APOM: variants seen among roughly 807,000 people sequenced by gnomAD.
APOM encodes the protein NG20-like protein.
APOM carries 24 observed loss-of-function variants against 23.5 expected under a neutral mutation model. The observed-to-expected ratio is 1.02, with a 90% confidence interval of 0.74 to 1.44. The LOEUF is 1.44. Among genes scored for constraint, APOM ranks in the 40% most tolerant of loss-of-function variants. The pLI, the probability that APOM is intolerant of heterozygous loss-of-function variation, is 0.00. For synonymous variants in APOM, 82 were observed against 84.1 expected (o/e 0.97, Z 0.14); for missense variants, 200 against 233.2 (o/e 0.86, Z 0.93).
chr6:31,657,886 T>G (rs1248851733), intron 5 of APOM, 163 bp downstream of exon 5: 2 of 955,678 alleles, frequency 2.1e-6, no homozygotes, highest in Non-Finnish European at 3.3e-6. Context: ...AAGAGAGGTT[T>G]CTGAGTTTGC....
Position 31,656,639 on chromosome 6 carries a change from G to T in APOM, c.269+13G>T, listed in dbSNP as rs1349255508. ...CTACCATCCGCATGTGAGTGGTAAG[G>T]AGGCAGAAGCATCACTGGGTTCAGT... On this transcript the variant is annotated intron_variant, in intron 2 of 5. Coordinates refer to ENST00000375916, the MANE Select transcript of APOM (RefSeq NM_019101.3). 6.2e-7 allele frequency: 1 copy of T among 1,612,214 alleles called. No homozygotes were observed. The highest frequency in any genetic ancestry group is 8.5e-7 in the Non-Finnish European group (1 of 1,178,992).
Position 31,658,122 on chromosome 6 carries a change from C to T in APOM, c.*33C>T, listed in dbSNP as rs370445372. The T allele has an allele frequency of 2.5e-6, 4 of 1,611,836 alleles. No individual in the cohort carries two copies. In the African/African-American group the frequency reaches 5.3e-5, roughly 22 times the overall value. On this transcript the variant is annotated 3_prime_UTR_variant, in exon 6 of 6. Coordinates refer to ENST00000375916, the MANE Select transcript of APOM (RefSeq NM_019101.3). ...CTTCATCTAAGTCCCCAGATGGGTA[C>T]AATGGGAGCTGAGTTGTTGGAGGGA...
In APOM at chr6:31,655,937, C is replaced by T; in HGVS notation, c.-30C>T. 4 of 1,483,886 alleles carry T rather than the reference C, an allele frequency of 2.7e-6. No individual in the cohort carries two copies. Among genetic ancestry groups the T allele is most frequent in the Non-Finnish European group, 3.7e-6 (4 of 1,079,868 alleles). 91.9% of individuals were successfully genotyped at this position (1,483,886 alleles called of 1,614,324 possible). On this transcript the variant is annotated 5_prime_UTR_variant, in exon 1 of 6. Coordinates refer to ENST00000375916, the MANE Select transcript of APOM (RefSeq NM_019101.3). ...AGTAGGGGAGAGAGCAGTTAAGGCA[C>T]ACAGAGCACCAGCTCCCTCCTGCCT...
At position 31,657,370 on chromosome 6, in the gene APOM, G is replaced by A. The variant is rs1237931754; in HGVS notation, c.344-10G>A. Reference sequence around the variant, plus strand: ...CTCTGTTCTCATACTTCTCCCACCTGCCTTGACAGGCCGCCCTGACATGAA... The same window carrying A: ...CTCTGTTCTCATACTTCTCCCACCTACCTTGACAGGCCGCCCTGACATGAA... On this transcript the variant is annotated splice_polypyrimidine_tract_variant and intron_variant, in intron 3 of 5. Coordinates refer to ENST00000375916, the MANE Select transcript of APOM (RefSeq NM_019101.3). 1 of 1,613,008 alleles carries A rather than the reference G, an allele frequency of 6.2e-7. No homozygotes were observed. The highest frequency in any genetic ancestry group is 8.5e-7 in the Non-Finnish European group (1 of 1,180,016).
intron 1 of APOM, 29 bp downstream of exon 1, chr6:31,656,109 G>A: frequency 1.3e-6 from 2 of 1,528,682 alleles, no homozygotes; most frequent in South Asian, 2.4e-5. Flanking sequence ...GGAAGCCTAT[G>A]GTGGAGGCTC....
At chr6:31,657,795 C>A (rs764760548) in intron 5 of APOM, 72 bp downstream of exon 5, 3 of 1,359,026 alleles carry the variant, frequency 2.2e-6, no homozygotes, top group Non-Finnish European at 2.1e-6. Flanking sequence ...GTGAAAGAGG[C>A]TCGTGTGATG....
intron 2 of APOM, 131 bp downstream of exon 2, chr6:31,656,757 T>G: frequency 8.6e-7 from 1 of 1,159,710 alleles, no homozygotes; most frequent in Non-Finnish European, 1.2e-6. Context: ...GTGGCTGTAT[T>G]AATTGCCCTC....
chr6:31,656,663 G>C (rs1248744419), intron 2 of APOM, 37 bp downstream of exon 2: 1 of 1,601,228 alleles, frequency 6.2e-7, no homozygotes. Flanking sequence ...ACTGGGTTCA[G>C]TCTCTGCCCA....
rs1232939217 is a variant in APOM, at chr6:31,658,082, A to G, written c.560A>G (p.Asn187Ser). 2.5e-6 allele frequency: 4 copies of G among 1,614,056 alleles called. No homozygotes were observed. Among genetic ancestry groups the G allele is most frequent in the Non-Finnish European group, 3.4e-6 (4 of 1,180,002 alleles). ...PRNQEACELSNN is the reference protein window; with the variant it reads ...PRNQEACELSSN Reference sequence around the variant, plus strand: ...ATCACAGAGGCCTGTGAGCTGTCCAATAACTGACCTGTAACTTCATCTAAG... The same window carrying G: ...ATCACAGAGGCCTGTGAGCTGTCCAGTAACTGACCTGTAACTTCATCTAAG... The change falls in exon 6 of 6, where the codon AAT (asparagine) becomes AGT (serine). Residue 187 changes from asparagine (N) to serine (S), a missense_variant. By Grantham distance (46) the Asn-to-Ser change is conservative (BLOSUM62 1). Transcript: ENST00000375916.
chr6:31,657,736 A>C lies in APOM; in HGVS notation c.541+13A>C, dbSNP rs1371399329. Reference sequence around the variant, plus strand: ...CCTAGGAATCAAGGTAAGGGGTTAAAATCTCATAAAACAGGATTAGGACTC... The same window carrying C: ...CCTAGGAATCAAGGTAAGGGGTTAACATCTCATAAAACAGGATTAGGACTC... On this transcript the variant is annotated intron_variant, in intron 5 of 5. Coordinates refer to ENST00000375916, the MANE Select transcript of APOM (RefSeq NM_019101.3). The C allele has an allele frequency of 1.9e-6, 3 of 1,600,708 alleles. No homozygotes were observed. In the African/African-American group the frequency reaches 4.0e-5, roughly 21 times the overall value.
At chr6:31,653,011 C>T (rs1007304500), upstream of APOM, among the ~76,000 whole-genome samples, 5 of 151,946 alleles carry the variant, frequency 3.3e-5, 1 homozygote, top group Non-Finnish European at 7.4e-5. Context: ...TTTCAGTAGG[C>T]GTTTGGGGGC....
chr6:31,655,006 A>G (rs1044147631), upstream of APOM, among the ~76,000 whole-genome samples: 2 of 152,348 alleles, frequency 1.3e-5, no homozygotes, highest in Admixed American at 6.5e-5. Context: ...CAGTGGCACA[A>G]TCAGGGCTCA....
chr6:31,656,417 G>A, intron 1 of APOM, 55 bp from the exon 2 acceptor site: 3 of 1,581,384 alleles, frequency 1.9e-6, no homozygotes, highest in Non-Finnish European at 2.6e-6. Context: ...TGAAGAGGTT[G>A]AACCCATCCT....
chr6:31,657,961 A>T (rs1425250851), intron 5 of APOM, 103 bp from the exon 6 acceptor site: 1 of 1,252,152 alleles, frequency 8.0e-7, no homozygotes, highest in Non-Finnish European at 1.2e-6. Context: ...CCCCTTTGAC[A>T]CAGGGAATGA....
At chr6:31,654,778 C>CT (rs1799857118), upstream of APOM, among the ~76,000 whole-genome samples, 1 of 152,192 alleles carries the variant, frequency 6.6e-6, no homozygotes, top group Non-Finnish European at 1.5e-5. Flanking sequence ...CCACCAGAAA[C>CT]TAAGTGCTTT....
chr6:31,657,507 T>C (rs1372608231), intron 4 of APOM, 29 bp downstream of exon 4: 1 of 1,611,114 alleles, frequency 6.2e-7, no homozygotes. Flanking sequence ...CAGGAAGGGT[T>C]GGAGGGAAAC....
At chr6:31,653,017 G>C (rs1361164539), upstream of APOM, among the ~76,000 whole-genome samples, 2 of 152,044 alleles carry the variant, frequency 1.3e-5, no homozygotes, top group African/African-American at 4.8e-5. Context: ...TAGGCGTTTG[G>C]GGGCGGCACT....
At chr6:31,654,856 G>A (rs1799864639), upstream of APOM, among the ~76,000 whole-genome samples, 2 of 152,160 alleles carry the variant, frequency 1.3e-5, no homozygotes, top group Non-Finnish European at 2.9e-5. Context: ...TTTGCTAAGG[G>A]CTTTATGTGC....
chr6:31,654,245 CAA>C (rs34260741), upstream of APOM, among the ~76,000 whole-genome samples: 1,254 of 99,088 alleles, frequency 0.013, 17 homozygotes, highest in African/African-American at 0.038. Context: ...ACTCCCATCT[CAA>C]AAAAAAAAAA....
Sources: allele counts gnomAD v4.1 joint callset (sites outside exome capture counted in the v4.1 genomes callset), GRCh38; gene constraint gnomAD v4.1.1; transcripts MANE v1.5; gene names NCBI Gene and HGNC (gene_info 2026-07-23, HGNC 2026-07-21).